Variants in TRPV3 observed in about 807,000 individuals in gnomAD.
TRPV3 encodes VRL-3.
A neutral mutation model predicts 87.1 loss-of-function variants in TRPV3; 88 were observed. The observed-to-expected ratio is 1.01, with a 90% CI of 0.85 to 1.21. The LOEUF is 1.21. TRPV3 is among the 50% of genes most tolerant of loss of function. The pLI, the probability that TRPV3 is intolerant of heterozygous loss-of-function variation, is 0.00. For synonymous variants in TRPV3, 438 were observed against 423.3 expected (o/e 1.03, Z -0.43); for missense variants, 1,054 against 1,030.1 (o/e 1.02, Z -0.32).
chr17:3,535,825 G>A (rs1210518150), intron 6 of TRPV3, 112 bp from the exon 7 acceptor site: 2 of 1,226,308 alleles, frequency 1.6e-6, no homozygotes, highest in African/African-American at 3.2e-5. Flanking sequence ...TCAGAACCCT[G>A]GTCTGTGTCG....
intron 17 of TRPV3, 44 bp downstream of exon 17, chr17:3,514,549 T>C (rs2074156413): frequency 7.0e-7 from 1 of 1,429,308 alleles, no homozygotes; most frequent in East Asian, 2.3e-5. Flanking sequence ...GGTTACATGG[T>C]CTGAGACAGG....
intron 2 of TRPV3, among the ~76,000 whole-genome samples, chr17:3,551,410 G>A (rs924467849): frequency 4.6e-5 from 7 of 152,256 alleles, no homozygotes; most frequent in Admixed American, 4.6e-4. Context: ...CTGGCTCCAG[G>A]CCTGCTGTAG....
chr17:3,532,694 G>A lies in TRPV3; in HGVS notation c.1028C>T (p.Thr343Met), dbSNP rs144323237. 4.1e-5 allele frequency: 66 copies of A among 1,614,124 alleles called. 1 individual carries two copies. Among genetic ancestry groups the A allele is most frequent in the South Asian group, 2.7e-4 (25 of 91,088 alleles). ...LETTRNNDGLTPLQLAAKMGK... is the reference protein window; with the variant it reads ...LETTRNNDGLMPLQLAAKMGK... ...CATCTTGGCGGCCAGCTGCAGCGGCGTGAGGCCATCGTTGTTGCGAGTGGT... is the reference window on the plus strand; with the variant it reads ...CATCTTGGCGGCCAGCTGCAGCGGCATGAGGCCATCGTTGTTGCGAGTGGT... The change falls in exon 8 of 18, where the codon ACG (threonine) becomes ATG (methionine). Residue 343 changes from threonine to methionine, a missense_variant. Thr to Met is a moderately conservative substitution (Grantham distance 81). Transcript: ENST00000576742.
At chr17:3,522,827 A>G (rs866367534) in intron 13 of TRPV3, among the ~76,000 whole-genome samples, 12 of 152,098 alleles carry the variant, frequency 7.9e-5, no homozygotes, top group Non-Finnish European at 1.0e-4. Context: ...AAACAAAAAA[A>G]AAAAAAAAAA....
At position 3,549,658 on chromosome 17, in the gene TRPV3, G is replaced by A. The variant is rs1461099599; in HGVS notation, c.120-4387C>T. Among the ~76,000 whole-genome samples, 5 of 152,218 alleles carry A rather than the reference G, an allele frequency of 3.3e-5. 1 individual carries two copies. In the South Asian group the frequency reaches 8.3e-4, roughly 25 times the overall value. On this transcript the variant is annotated intron_variant, in intron 2 of 17. Transcript: ENST00000576742. The stretch of plus-strand genomic sequence containing the variant: ...AATGAGGGATGGGTGGATGATGGAT[G>A]GATGGATGGACAGATGATGGAATGG...
In TRPV3 at chr17:3,529,444, A is replaced by G. The variant is rs557692629; in HGVS notation, c.1243-449T>C. ...AGACCCAAGGCAAGGGGACTCTGGG[A>G]AGCATGACTCTTAGTAAAGTATGAA... is the stretch of plus-strand genomic sequence containing the variant. On this transcript the variant is annotated intron_variant, in intron 9 of 17. Coordinates refer to ENST00000576742, the MANE Select transcript of TRPV3 (RefSeq NM_145068.4). Among the ~76,000 whole-genome samples, 179 of 152,182 alleles carry G rather than the reference A, an allele frequency of 1.2e-3. 2 individuals are homozygous for G. Among genetic ancestry groups the G allele is most frequent in the African/African-American group, 4.1e-3 (170 of 41,524 alleles).
chr17:3,553,119 C>G (rs929829310), intron 2 of TRPV3: 9 of 152,532 alleles, frequency 5.9e-5, no homozygotes, highest in Admixed American at 2.0e-4. Flanking sequence ...TCCAGGCCCT[C>G]CCACCGGGAC....
chr17:3,535,452 T>A, intron 7 of TRPV3, 121 bp downstream of exon 7: 6 of 564,768 alleles, frequency 1.1e-5, no homozygotes, highest in Non-Finnish European at 1.4e-5. Context: ...CCTCACTTCC[T>A]TCCTCCTTCC....
intron 13 of TRPV3, among the ~76,000 whole-genome samples, chr17:3,523,305 C>A (rs1232713202): frequency 6.6e-6 from 1 of 152,198 alleles, no homozygotes; most frequent in Non-Finnish European, 1.5e-5. Flanking sequence ...CAACATAAAT[C>A]TTAATTGTTT....
At position 3,540,672 on chromosome 17, in the gene TRPV3, T is replaced by G. The variant is rs76207778; in HGVS notation, c.643+1850A>C. 3.8e-3 allele frequency among the ~76,000 whole-genome samples: 575 copies of G among 152,308 alleles called. 21 individuals carry two copies. In the East Asian group the frequency reaches 0.085, roughly 22 times the overall value. ...GAAACATGTTGCTAGCAAAGGGTAGTTCGTAAGTCCTACAATACTGACAAG... is the reference window on the plus strand; with the variant it reads ...GAAACATGTTGCTAGCAAAGGGTAGGTCGTAAGTCCTACAATACTGACAAG... On this transcript the variant is annotated intron_variant, in intron 6 of 17. Transcript: ENST00000576742.
At chr17:3,519,807 T>C (rs1441253906) in intron 14 of TRPV3, among the ~76,000 whole-genome samples, 1 of 146,358 alleles carries the variant, frequency 6.8e-6, no homozygotes, top group Non-Finnish European at 1.5e-5. Flanking sequence ...GATGGACCGA[T>C]TGATCGATGG....
In TRPV3 at chr17:3,511,997, G is replaced by A. The variant is rs933381277; in HGVS notation, c.*1920C>T. 2 of 152,184 alleles carry A rather than the reference G, an allele frequency of 1.3e-5. No homozygotes were observed. The highest frequency in any genetic ancestry group is 4.8e-5 in the African/African-American group (2 of 41,426). 9.4% of individuals were successfully genotyped at this position (152,184 alleles called of 1,614,324 possible). ...TAGCTAACTCCAGATGTGGAATGCT[G>A]ATTTGTACAATCTCCAGGCTAAAAG... On this transcript the variant is annotated 3_prime_UTR_variant, in exon 18 of 18. Coordinates refer to ENST00000576742, the MANE Select transcript of TRPV3 (RefSeq NM_145068.4).
At chr17:3,527,499 G>A (rs985413774) in intron 11 of TRPV3, among the ~76,000 whole-genome samples, 1 of 152,144 alleles carries the variant, frequency 6.6e-6, no homozygotes, top group African/African-American at 2.4e-5. Context: ...AATTCAAAGA[G>A]GGCAAACTCG....
intron 7 of TRPV3, 79 bp downstream of exon 7, chr17:3,535,494 C>A: frequency 7.2e-7 from 1 of 1,390,920 alleles, no homozygotes. Context: ...CTTCTTCCCT[C>A]CTTCCCCTTC....
chr17:3,543,434 G>A (rs747044248), intron 5 of TRPV3, 40 bp downstream of exon 5: 5 of 1,603,340 alleles, frequency 3.1e-6, no homozygotes, highest in Non-Finnish European at 4.3e-6. Flanking sequence ...GCCAAGCAGG[G>A]CCCCCAGCCC....
Position 3,543,501 on chromosome 17 carries a change from T to A in TRPV3, c.439A>T (p.Arg147Trp), listed in dbSNP as rs989495075. The A allele has an allele frequency of 6.2e-7, 1 of 1,613,660 alleles. No individual in the cohort carries two copies. The highest frequency in any genetic ancestry group is 8.5e-7 in the Non-Finnish European group (1 of 1,180,018). Residue 147 changes from arginine to tryptophan, a missense_variant, in exon 5 of 18, where the codon AGG becomes TGG. Physicochemically the swap from Arg to Trp is moderately radical, Grantham distance 101. Transcript: ENST00000576742. ...ELLVELQELC[R>W]RRHDEDVPDF... ...GGCACATCCTCATCATGGCGCCGCC[T>A]GCAAAGCTCCTGCAGCTCCACCAGC...
chr17:3,514,810 G>A (rs78125306), intron 16 of TRPV3, 138 bp from the exon 17 acceptor site: 21,814 of 607,028 alleles, frequency 0.036, 1,271 homozygotes, highest in East Asian at 0.24. Context: ...CCCCTGACCC[G>A]AGGGGTCACA....
At chr17:3,537,747 T>C (rs1056985165) in intron 6 of TRPV3, among the ~76,000 whole-genome samples, 4 of 148,934 alleles carry the variant, frequency 2.7e-5, no homozygotes, top group Admixed American at 6.8e-5. Flanking sequence ...CTACTGAAAA[T>C]ACAAAAAAAT....
intron 8 of TRPV3, among the ~76,000 whole-genome samples, chr17:3,531,083 C>CA (rs1401325196): frequency 4.6e-5 from 6 of 131,406 alleles, no homozygotes; most frequent in African/African-American, 2.1e-4. Context: ...AACAAACAAA[C>CA]AAAAAAACCA....
Sources: allele counts gnomAD v4.1 joint callset (sites outside exome capture counted in the v4.1 genomes callset), GRCh38; gene constraint gnomAD v4.1.1; transcripts MANE v1.5; gene names NCBI Gene and HGNC (gene_info 2026-07-23, HGNC 2026-07-21).